MRPL50: variants seen among roughly 807,000 people sequenced by gnomAD.
The protein encoded by MRPL50 is mitochondrial ribosomal protein L50.
MRPL50 carries 10 observed loss-of-function variants against 16.2 expected under a neutral mutation model. The ratio of observed to expected loss-of-function variants is 0.62; its 90% CI spans 0.38 to 1.05. The LOEUF (loss-of-function observed/expected upper bound fraction) is 1.05, where lower values mean the gene tolerates loss of function less well. Ranked by LOEUF, MRPL50 falls within the 50% of genes least tolerant of loss-of-function variation. MRPL50 has a pLI of 0.01. For missense variants in MRPL50, 213 were observed against 187.1 expected, an observed-to-expected ratio of 1.14 and a Z score of -0.81; for synonymous variants, 68 against 66.8, an observed-to-expected ratio of 1.02 and a Z score of -0.09.
Position 101,390,087 on chromosome 9 carries a change from C to T in MRPL50, c.*379G>A, listed in dbSNP as rs1037579127. ...TAATAAAAGTTTATTTGTGTATGTG[C>T]AATGCATAACTCTATCTTAGATATG... On this transcript the variant is annotated 3_prime_UTR_variant, in exon 2 of 2. Coordinates refer to ENST00000374865, the MANE Select transcript of MRPL50 (RefSeq NM_019051.3). 1.0e-6 allele frequency: 1 copy of T among 997,224 alleles called. No individual in the cohort carries two copies. The highest frequency in any genetic ancestry group is 1.2e-6 in the Non-Finnish European group (1 of 836,210). 61.8% of individuals were successfully genotyped at this position (997,224 alleles called of 1,614,324 possible).
chr9:101,398,369 C>G (rs1049512322), intron 1 of MRPL50, 132 bp downstream of exon 1: 13 of 784,208 alleles, frequency 1.7e-5, no homozygotes, highest in Non-Finnish European at 2.5e-5. Context: ...AACTCGGGAC[C>G]CTAACCGGAC....
chr9:101,389,627 A>T lies in MRPL50; in HGVS notation c.*839T>A. 2.2e-6 allele frequency: 1 copy of T among 449,100 alleles called. No homozygotes were observed. Among genetic ancestry groups the T allele is most frequent in the Non-Finnish European group, 3.4e-6 (1 of 291,930 alleles). 27.8% of individuals were successfully genotyped at this position (449,100 alleles called of 1,614,324 possible). ...AGCCATATCTAAAGCTTGAAAAAAA[A>T]ATCCCAAATTTAACACCTTTGTCAT... On this transcript the variant is annotated 3_prime_UTR_variant, in exon 2 of 2. Coordinates refer to ENST00000374865, the MANE Select transcript of MRPL50 (RefSeq NM_019051.3).
intron 1 of MRPL50, among the ~76,000 whole-genome samples, chr9:101,392,362 T>A (rs1830284457): frequency 6.6e-6 from 1 of 151,966 alleles, no homozygotes; most frequent in Admixed American, 6.6e-5. Context: ...AATTAAAAAG[T>A]TGGTTTATTG....
At position 101,387,746 on chromosome 9, in the gene MRPL50, C is replaced by T. The variant is rs991505372; in HGVS notation, c.*2720G>A. ...AGCAGGCTTTATTTAAGCATACCTA[C>T]TAAGCTTACAGAAGTTCCATCTAAG... is the stretch of plus-strand genomic sequence containing the variant. On this transcript the variant is annotated 3_prime_UTR_variant, in exon 2 of 2. Transcript: ENST00000374865. The T allele has an allele frequency of 1.3e-5, 2 of 152,082 alleles. No individual in the cohort carries two copies. The highest frequency in any genetic ancestry group is 1.5e-5 in the Non-Finnish European group (1 of 67,988). The allele number at this position is 152,082 out of a possible 1,614,324, so 9.4% of individuals were successfully genotyped here.
intron 1 of MRPL50, among the ~76,000 whole-genome samples, chr9:101,391,243 A>C (rs1830266301): frequency 6.6e-6 from 1 of 152,098 alleles, no homozygotes; most frequent in Admixed American, 6.5e-5. Flanking sequence ...TTCCTGACAC[A>C]ATGTGTTGGC....
rs1171300184 is a variant in MRPL50, at chr9:101,389,218, C to T, written c.*1248G>A. ...TAAAGTATATGGGAGGATGTGCATA[C>T]ATAATATGCAAATACTACATCATTT... On this transcript the variant is annotated 3_prime_UTR_variant, in exon 2 of 2. Transcript: ENST00000374865. 1 of 209,896 alleles carries T rather than the reference C, an allele frequency of 4.8e-6. No homozygotes were observed. The highest frequency in any genetic ancestry group is 2.4e-5 in the African/African-American group (1 of 42,446). 13.0% of individuals were successfully genotyped at this position (209,896 alleles called of 1,614,324 possible).
intron 1 of MRPL50, among the ~76,000 whole-genome samples, chr9:101,394,346 C>T (rs954613218): frequency 6.6e-6 from 1 of 152,180 alleles, no homozygotes; most frequent in Non-Finnish European, 1.5e-5. Context: ...AGACCCTGCA[C>T]TCAATGGATT....
At chr9:101,397,823 CA>C (rs1160579785) in intron 1 of MRPL50, among the ~76,000 whole-genome samples, 1 of 152,182 alleles carries the variant, frequency 6.6e-6, no homozygotes, top group African/African-American at 2.4e-5. Context: ...CTATCTAAGT[CA>C]AATTAGATTT....
chr9:101,392,504 C>T (rs554110491), intron 1 of MRPL50, among the ~76,000 whole-genome samples: 1 of 151,566 alleles, frequency 6.6e-6, no homozygotes, highest in South Asian at 2.1e-4. Flanking sequence ...GAGATTGTTA[C>T]AAGCAACTAT....
At position 101,398,481 on chromosome 9, in the gene MRPL50, C is replaced by T. The variant is rs766870235; in HGVS notation, c.92+20G>A. 2 of 1,603,524 alleles carry T rather than the reference C, an allele frequency of 1.2e-6. No individual in the cohort carries two copies. The highest frequency in any genetic ancestry group is 1.7e-5 in the Admixed American group (1 of 59,980). On this transcript the variant is annotated intron_variant, in intron 1 of 1. Transcript: ENST00000374865. ...TTAACTTTCCTTGAACATGACCCAC[C>T]GTCCACCATAAAGCTTTACCTGAAT...
In MRPL50 at chr9:101,390,242, A is replaced by G; in HGVS notation, c.*224T>C. On this transcript the variant is annotated 3_prime_UTR_variant, in exon 2 of 2. Transcript: ENST00000374865. The stretch of plus-strand genomic sequence containing the variant: ...CAAAACTTTTCATAAATAATGACCT[A>G]ATTTCATTTAAAAAATGGTTTCAGC... 1 of 1,243,158 alleles carries G rather than the reference A, an allele frequency of 8.0e-7. No homozygotes were observed. The highest frequency in any genetic ancestry group is 1.0e-6 in the Non-Finnish European group (1 of 992,328). 77.0% of individuals were successfully genotyped at this position (1,243,158 alleles called of 1,614,324 possible). A position where few individuals can be genotyped will look rare whatever the true frequency, so the allele number is the denominator to read the frequency against.
chr9:101,390,680 T>A lies in MRPL50; in HGVS notation c.263A>T (p.Asp88Val). ...TAGACGACTATCTTCCAGGGAGATG[T>A]CTTGCCAATTACTAGGAAGAGATGA... ...FGSSLPSNWQ[D>V]ISLEDSRLKF... The change falls in exon 2 of 2, where the codon GAC becomes GTC. Residue 88 changes from aspartate to valine, a missense_variant. By Grantham distance (152) the Asp-to-Val change is radical. Coordinates refer to ENST00000374865, the MANE Select transcript of MRPL50 (RefSeq NM_019051.3). 5 of 1,613,540 alleles carry A rather than the reference T, an allele frequency of 3.1e-6. No individual in the cohort carries two copies. In the South Asian group the frequency reaches 5.5e-5, roughly 18 times the overall value.
intron 1 of MRPL50, among the ~76,000 whole-genome samples, chr9:101,391,881 A>T (rs1385919728): frequency 6.6e-6 from 1 of 152,082 alleles, no homozygotes; most frequent in Non-Finnish European, 1.5e-5. Flanking sequence ...TATTCTTCTC[A>T]TGAGTACATG....
At position 101,390,213 on chromosome 9, in the gene MRPL50, C is replaced by G. The variant is rs931172913; in HGVS notation, c.*253G>C. The G allele has an allele frequency of 2.5e-6, 3 of 1,184,284 alleles. No individual in the cohort carries two copies. Among genetic ancestry groups the G allele is most frequent in the Non-Finnish European group, 2.1e-6 (2 of 955,084 alleles). 73.4% of individuals were successfully genotyped at this position (1,184,284 alleles called of 1,614,324 possible). A position where few individuals can be genotyped will look rare whatever the true frequency, so the allele number is the denominator to read the frequency against. Reference sequence around the variant, plus strand: ...GTCTTAAACCCAAGTTGACAGTGCCCTCTCAAAACTTTTCATAAATAATGA... The same window carrying G: ...GTCTTAAACCCAAGTTGACAGTGCCGTCTCAAAACTTTTCATAAATAATGA... On this transcript the variant is annotated 3_prime_UTR_variant, in exon 2 of 2. Transcript: ENST00000374865.
chr9:101,398,387 T>A (rs1337148013), intron 1 of MRPL50, 114 bp downstream of exon 1: 4 of 992,012 alleles, frequency 4.0e-6, no homozygotes, highest in Admixed American at 1.8e-5. Context: ...GACCTCCTTG[T>A]CCTTGCTCTG....
chr9:101,389,835 C>G lies in MRPL50; in HGVS notation c.*631G>C, dbSNP rs1343489448. 2 of 222,114 alleles carry G rather than the reference C, an allele frequency of 9.0e-6. No homozygotes were observed. The highest frequency in any genetic ancestry group is 1.5e-5 in the Non-Finnish European group (2 of 130,776). The allele number at this position is 222,114 out of a possible 1,614,324, so 13.8% of individuals were successfully genotyped here. ...CAATTAGACATAGAATCTGGCACAT[C>G]TCTTATGAGGAAGAGTCACAGCACT... is the stretch of plus-strand genomic sequence containing the variant. On this transcript the variant is annotated 3_prime_UTR_variant, in exon 2 of 2. Transcript: ENST00000374865.
Position 101,388,521 on chromosome 9 carries a change from A to G in MRPL50, c.*1945T>C, listed in dbSNP as rs918885958. 6.6e-6 allele frequency: 1 copy of G among 152,160 alleles called. No homozygotes were observed. The highest frequency in any genetic ancestry group is 1.5e-5 in the Non-Finnish European group (1 of 68,006). 9.4% of individuals were successfully genotyped at this position (152,160 alleles called of 1,614,324 possible). On this transcript the variant is annotated 3_prime_UTR_variant, in exon 2 of 2. Coordinates refer to ENST00000374865, the MANE Select transcript of MRPL50 (RefSeq NM_019051.3). ...GCAGGACATACAGCAGGCCTTCTGTATGTAAACCCTTTAAAATTACATCAT... is the reference window on the plus strand; with the variant it reads ...GCAGGACATACAGCAGGCCTTCTGTGTGTAAACCCTTTAAAATTACATCAT...
chr9:101,389,712 A>T lies in MRPL50; in HGVS notation c.*754T>A. On this transcript the variant is annotated 3_prime_UTR_variant, in exon 2 of 2. Coordinates refer to ENST00000374865, the MANE Select transcript of MRPL50 (RefSeq NM_019051.3). ...TTCCACAAATTGAGTGCATTAAAGC[A>T]CAAAGACTTGCCACTCTAGTGAATA... 1 of 283,454 alleles carries T rather than the reference A, an allele frequency of 3.5e-6. No individual in the cohort carries two copies. 17.6% of individuals were successfully genotyped at this position (283,454 alleles called of 1,614,324 possible). A position where few individuals can be genotyped will look rare whatever the true frequency, so the allele number is the denominator to read the frequency against.
chr9:101,391,672 C>G (rs1193162239), intron 1 of MRPL50, among the ~76,000 whole-genome samples: 1 of 151,890 alleles, frequency 6.6e-6, no homozygotes, highest in Non-Finnish European at 1.5e-5. Flanking sequence ...TATTGGAGAA[C>G]CTAAACACAT....
Sources: allele counts gnomAD v4.1 joint callset (sites outside exome capture counted in the v4.1 genomes callset), GRCh38; gene constraint gnomAD v4.1.1; transcripts MANE v1.5; gene names NCBI Gene and HGNC (gene_info 2026-07-23, HGNC 2026-07-21).